IGSF23: variants seen among roughly 807,000 people sequenced by gnomAD.
IGSF23 encodes the protein immunoglobulin superfamily member 23.
A neutral mutation model predicts 17.8 loss-of-function variants in IGSF23; 14 were observed. The ratio of observed to expected loss-of-function variants is 0.79; its 90% CI spans 0.52 to 1.23. The LOEUF is 1.23. Ranked by LOEUF, IGSF23 falls within the 50% of genes most tolerant of loss-of-function variation. IGSF23 has a pLI of 0.00. For synonymous variants in IGSF23, 85 were observed against 92.5 expected, an observed-to-expected ratio of 0.92 and a Z score of 0.46; for missense variants, 214 against 241.7, an observed-to-expected ratio of 0.89 and a Z score of 0.76.
intron 3 of IGSF23, among the ~76,000 whole-genome samples, chr19:44,628,692 G>A (rs1449810319): frequency 6.6e-6 from 1 of 152,172 alleles, no homozygotes; most frequent in Non-Finnish European, 1.5e-5. Context: ...AGTCTAGACT[G>A]CAGTGAGCTA....
chr19:44,624,673 G>A (rs1448645570), intron 2 of IGSF23, among the ~76,000 whole-genome samples: 1 of 152,040 alleles, frequency 6.6e-6, no homozygotes, highest in Admixed American at 6.6e-5. Context: ...GGCTACCTGG[G>A]TCCTTGGCTC....
chr19:44,635,310 A>G, intron 3 of IGSF23, 91 bp from the exon 4 acceptor site: 1 of 1,033,934 alleles, frequency 9.7e-7, no homozygotes, highest in South Asian at 1.4e-5. Flanking sequence ...CTACATATTA[A>G]TTTGGGGAAC....
intron 3 of IGSF23, among the ~76,000 whole-genome samples, chr19:44,631,541 C>G (rs191065689): frequency 6.6e-6 from 1 of 152,092 alleles, no homozygotes; most frequent in African/African-American, 2.4e-5. Flanking sequence ...TCTAACCCAG[C>G]GGTGCTAGAG....
intron 1 of IGSF23, chr19:44,618,284 T>C (rs537865196): frequency 2.4e-5 from 10 of 425,410 alleles, no homozygotes; most frequent in African/African-American, 2.0e-4. Context: ...CTGCTCACAC[T>C]GGCCGGGAGA....
rs528210555 is a variant in IGSF23, at chr19:44,617,214, T to A, written c.125+3444T>A. On this transcript the variant is annotated intron_variant, in intron 1 of 4. Coordinates refer to ENST00000402988, the MANE Select transcript of IGSF23 (RefSeq NM_001205280.2). ...GGTATGAGCCAACACACCGGCCTAC[T>A]CTTATATTAAAAAAAAAAAAAAAAT... Among the ~76,000 whole-genome samples, 12 of 107,200 alleles carry A rather than the reference T, an allele frequency of 1.1e-4. No homozygotes were observed. The Admixed American group carries it at 1.4e-3, about 12-fold the overall frequency. 70.3% of individuals were successfully genotyped at this position (107,200 alleles called of 152,430 possible). A position where few individuals can be genotyped will look rare whatever the true frequency, so the allele number is the denominator to read the frequency against.
At chr19:44,621,718 AC>A (rs1443605535) in intron 1 of IGSF23, among the ~76,000 whole-genome samples, 1 of 152,218 alleles carries the variant, frequency 6.6e-6, no homozygotes, top group Non-Finnish European at 1.5e-5. Flanking sequence ...AATGCTTTTC[AC>A]ATCATGTCCA....
chr19:44,633,284 G>T (rs1016019443), intron 3 of IGSF23, among the ~76,000 whole-genome samples: 20 of 152,334 alleles, frequency 1.3e-4, no homozygotes, highest in East Asian at 1.9e-4. Flanking sequence ...AAAGGTATAG[G>T]TTCTGGAAGC....
Position 44,613,778 on chromosome 19 carries a change from A to G in IGSF23, c.125+8A>G. The G allele has an allele frequency of 6.4e-7, 1 of 1,550,408 alleles. No individual in the cohort carries two copies. Among genetic ancestry groups the G allele is most frequent in the African/African-American group, 1.4e-5 (1 of 73,178 alleles). ...CTTCCCAGCCAACTTGGTGTAAGTC[A>G]TGTGGGGAAGTGGCCAGGGTAGGGC... On this transcript the variant is annotated splice_region_variant and intron_variant, in intron 1 of 4. Transcript: ENST00000402988.
intron 1 of IGSF23, among the ~76,000 whole-genome samples, chr19:44,615,106 G>A (rs1474694101): frequency 2.0e-5 from 3 of 151,408 alleles, no homozygotes; most frequent in East Asian, 2.0e-4. Context: ...TGGCTAACAC[G>A]GTGAAACCCC....
chr19:44,636,296 G>A (rs1249490744), intron 4 of IGSF23, 123 bp from the exon 5 acceptor site: 1 of 152,120 alleles, frequency 6.6e-6, no homozygotes, highest in East Asian at 1.9e-4. Context: ...ACGAAGAAAT[G>A]TGGAAGTACA....
intron 3 of IGSF23, among the ~76,000 whole-genome samples, chr19:44,629,823 G>A (rs1026857261): frequency 2.0e-5 from 3 of 151,708 alleles, no homozygotes; most frequent in African/African-American, 7.3e-5. Context: ...TAGTAGAGAC[G>A]GAGTTTCACC....
chr19:44,618,626 C>T (rs1049876269), intron 1 of IGSF23, among the ~76,000 whole-genome samples: 2 of 152,164 alleles, frequency 1.3e-5, no homozygotes, highest in Admixed American at 6.5e-5. Context: ...CCAGAATGAC[C>T]TCCTTCATGT....
At chr19:44,634,699 A>C (rs887084057) in intron 3 of IGSF23, among the ~76,000 whole-genome samples, 1 of 151,886 alleles carries the variant, frequency 6.6e-6, no homozygotes, top group Non-Finnish European at 1.5e-5. Context: ...TTTGGGGGGC[A>C]TGTTCCCAAC....
At chr19:44,624,959 G>A (rs1972612967) in intron 2 of IGSF23, among the ~76,000 whole-genome samples, 1 of 150,258 alleles carries the variant, frequency 6.7e-6, no homozygotes, top group African/African-American at 2.5e-5. Flanking sequence ...GCCACCTGTA[G>A]TCCCAGCTGC....
intron 3 of IGSF23, among the ~76,000 whole-genome samples, chr19:44,634,587 C>T (rs1448453215): frequency 6.6e-6 from 1 of 152,126 alleles, no homozygotes; most frequent in Non-Finnish European, 1.5e-5. Flanking sequence ...CTCGAACAGT[C>T]ACTGGGGCAA....
chr19:44,621,225 G>A (rs182102154), intron 1 of IGSF23, among the ~76,000 whole-genome samples: 1 of 148,332 alleles, frequency 6.7e-6, no homozygotes, highest in Non-Finnish European at 1.5e-5. Flanking sequence ...TGAGGCTGCA[G>A]TGAGCTGTAA....
chr19:44,614,219 C>G (rs1291778540), intron 1 of IGSF23, among the ~76,000 whole-genome samples: 1 of 152,112 alleles, frequency 6.6e-6, no homozygotes, highest in African/African-American at 2.4e-5. Context: ...GAACAGGTCA[C>G]CTACCCAAGA....
At chr19:44,629,925 T>C (rs1052385834) in intron 3 of IGSF23, among the ~76,000 whole-genome samples, 1 of 152,104 alleles carries the variant, frequency 6.6e-6, no homozygotes, top group African/African-American at 2.4e-5. Flanking sequence ...CAAGCATTAC[T>C]CTATTTAATC....
At chr19:44,624,518 C>T (rs1972598312) in intron 2 of IGSF23, among the ~76,000 whole-genome samples, 5 of 151,938 alleles carry the variant, frequency 3.3e-5, no homozygotes, top group Admixed American at 2.0e-4. Flanking sequence ...CTCCTGGGCT[C>T]GAGTGATCCA....
Sources: gnomAD v4.1 joint callset for allele counts (sites outside exome capture counted in the v4.1 genomes callset) on GRCh38, gnomAD v4.1.1 for gene constraint, MANE v1.5 for transcripts, NCBI Gene and HGNC (gene_info 2026-07-23, HGNC 2026-07-21) for gene names.